The following IRF2 variants were observed in gnomAD, a reference collection of about 807,000 sequenced individuals.
IRF2 encodes the protein interferon regulatory factor 2.
In IRF2, 15 loss-of-function variants were observed where a neutral mutation model predicts 40.6. The ratio of observed to expected loss-of-function variants is 0.37; its 90% confidence interval spans 0.25 to 0.57. The LOEUF (loss-of-function observed/expected upper bound fraction) is 0.57, where lower values mean the gene tolerates loss of function less well. Ranked by LOEUF, IRF2 falls within the 20% of genes least tolerant of loss-of-function variation. The probability of loss-of-function intolerance (pLI) is 0.77; values close to 1 mark genes in which losing one functional copy is unlikely to be tolerated. For missense variants in IRF2, 317 were observed against 455.7 expected, an observed-to-expected ratio of 0.70 and a Z score of 2.77; for synonymous variants, 151 against 165.5, an observed-to-expected ratio of 0.91 and a Z score of 0.67.
chr4:184,454,786 C>CAGGA (rs1343975929), intron 1 of IRF2, among the ~76,000 whole-genome samples: 1 of 152,228 alleles, frequency 6.6e-6, no homozygotes, highest in Admixed American at 6.5e-5. Context: ...GCCATAGTTT[C>CAGGA]CTCATCACTA....
intron 1 of IRF2, among the ~76,000 whole-genome samples, chr4:184,435,371 T>C (rs1354550233): frequency 6.6e-6 from 1 of 152,230 alleles, no homozygotes; most frequent in Non-Finnish European, 1.5e-5. Flanking sequence ...TAATTCTCTG[T>C]TCCAGAGACT....
rs1260701097 is a variant in IRF2, at chr4:184,429,085, A to G, written c.-6-15T>C. The G allele has an allele frequency of 3.1e-6, 5 of 1,608,606 alleles. No homozygotes were observed. In the South Asian group the frequency reaches 4.4e-5, roughly 14 times the overall value. ...GGCATGGTGCCCTTGAGGGAGAGAA[A>G]CACAGCGTCAGGCGTTGGTGCCACT... On this transcript the variant is annotated splice_polypyrimidine_tract_variant and intron_variant, in intron 1 of 8. Coordinates refer to ENST00000393593, the MANE Select transcript of IRF2 (RefSeq NM_002199.4).
intron 1 of IRF2, among the ~76,000 whole-genome samples, chr4:184,449,823 C>T (rs1738648025): frequency 6.6e-6 from 1 of 152,170 alleles, no homozygotes; most frequent in Non-Finnish European, 1.5e-5. Flanking sequence ...CTGCGCTGGC[C>T]GTTACCAAGA....
At chr4:184,398,482 C>T (rs1424949648) in intron 7 of IRF2, among the ~76,000 whole-genome samples, 1 of 148,514 alleles carries the variant, frequency 6.7e-6, no homozygotes, top group African/African-American at 2.6e-5. Flanking sequence ...CATGGTGAAT[C>T]CCCGTCTCTA....
intron 1 of IRF2, among the ~76,000 whole-genome samples, chr4:184,434,508 G>A (rs1265577228): frequency 6.6e-6 from 1 of 152,160 alleles, no homozygotes; most frequent in African/African-American, 2.4e-5. Flanking sequence ...TGAGCAACCT[G>A]TACTTCAAAG....
At chr4:184,434,313 T>C (rs779694816) in intron 1 of IRF2, among the ~76,000 whole-genome samples, 1 of 152,226 alleles carries the variant, frequency 6.6e-6, no homozygotes, top group Non-Finnish European at 1.5e-5. Context: ...AATCCCTCCA[T>C]CTTCCCGGCC....
intron 6 of IRF2, among the ~76,000 whole-genome samples, chr4:184,399,598 T>C (rs1169371580): frequency 6.6e-6 from 1 of 152,250 alleles, no homozygotes; most frequent in Non-Finnish European, 1.5e-5. Flanking sequence ...TGAATGTTTG[T>C]GTTCAGGTTT....
intron 2 of IRF2, among the ~76,000 whole-genome samples, chr4:184,425,359 G>A (rs189668856): frequency 3.9e-4 from 59 of 152,366 alleles, no homozygotes; most frequent in Admixed American, 3.5e-3. Flanking sequence ...TGGGAGTGTA[G>A]GTATGGAGAG....
chr4:184,423,612 C>T (rs1435096625), intron 2 of IRF2, among the ~76,000 whole-genome samples: 2 of 152,240 alleles, frequency 1.3e-5, no homozygotes, highest in Non-Finnish European at 2.9e-5. Context: ...CCAGGAAGAA[C>T]TAAGAACATC....
chr4:184,409,009 C>A (rs1736973745), intron 5 of IRF2, among the ~76,000 whole-genome samples: 1 of 151,990 alleles, frequency 6.6e-6, no homozygotes, highest in Non-Finnish European at 1.5e-5. Context: ...TTTTCAAGTG[C>A]ACCAGAACCC....
chr4:184,452,899 A>C (rs894634942), intron 1 of IRF2, among the ~76,000 whole-genome samples: 1 of 152,068 alleles, frequency 6.6e-6, no homozygotes, highest in African/African-American at 2.4e-5. Flanking sequence ...GGGAGTATAA[A>C]ATAGGTACAA....
Position 184,388,415 on chromosome 4 carries a change from G to C in IRF2, c.*343C>G. ...ATATTCACAAGAATAAAAAATTCCA[G>C]CTAGTTCACATTATCTCGTCCGTTC... On this transcript the variant is annotated 3_prime_UTR_variant, in exon 9 of 9. Coordinates refer to ENST00000393593, the MANE Select transcript of IRF2 (RefSeq NM_002199.4). The surrounding 1 kb of genome is among the most constrained non-coding windows in gnomAD (Gnocchi z 4.6). The C allele has an allele frequency of 3.7e-6, 1 of 268,236 alleles. No individual in the cohort carries two copies. The highest frequency in any genetic ancestry group is 7.0e-6 in the Non-Finnish European group (1 of 143,014). The allele number at this position is 268,236 out of a possible 1,614,324, so 16.6% of individuals were successfully genotyped here. A position where few individuals can be genotyped will look rare whatever the true frequency, so the allele number is the denominator to read the frequency against.
intron 7 of IRF2, among the ~76,000 whole-genome samples, chr4:184,393,116 C>T (rs1736318605): frequency 6.6e-6 from 1 of 152,174 alleles, no homozygotes; most frequent in Non-Finnish European, 1.5e-5. Flanking sequence ...ATCGGAACAG[C>T]CACTCCCAAG....
chr4:184,403,195 G>C (rs1411949948), intron 6 of IRF2, among the ~76,000 whole-genome samples: 1 of 152,176 alleles, frequency 6.6e-6, no homozygotes, highest in African/African-American at 2.4e-5. Flanking sequence ...AAGCCCATGA[G>C]AGAAGCAGGG....
At chr4:184,409,346 G>A (rs138634216) in intron 5 of IRF2, among the ~76,000 whole-genome samples, 293 of 152,142 alleles carry the variant, frequency 1.9e-3, no homozygotes, top group African/African-American at 6.6e-3. Context: ...AGTCACTAAC[G>A]GAAGGAGGGG....
chr4:184,426,947 A>T (rs571140631), intron 2 of IRF2, among the ~76,000 whole-genome samples: 2 of 152,282 alleles, frequency 1.3e-5, no homozygotes, highest in East Asian at 3.9e-4. Flanking sequence ...TATTAACTGT[A>T]CCTACCCCAT....
chr4:184,417,973 A>C (rs1288473247), intron 5 of IRF2, among the ~76,000 whole-genome samples, 194 bp downstream of exon 5: 1 of 152,210 alleles, frequency 6.6e-6, no homozygotes, highest in African/African-American at 2.4e-5. Context: ...GAGAAACGGG[A>C]TGAGGCAGGG....
In IRF2 at chr4:184,418,668, T is replaced by C. The variant is rs1347586374; in HGVS notation, c.228A>G (p.Thr76=). 6.2e-7 allele frequency: 1 copy of C among 1,614,118 alleles called. No homozygotes were observed. Among genetic ancestry groups the C allele is most frequent in the African/African-American group, 1.3e-5 (1 of 75,058 alleles). The part of the protein sequence containing the change: ...QPGVDKPDPK[T]WKANFRCAMN... ...TGGCGCATCTGAAATTCGCCTTCCA[T>C]GTTTTGGGATCAGGTTTATCTACTC... is the stretch of plus-strand genomic sequence containing the variant. Residue 76 remains threonine (T), a synonymous_variant, in exon 4 of 9, where the codon ACA becomes ACG. Transcript: ENST00000393593.
chr4:184,416,355 A>C (rs1231617144), intron 5 of IRF2, among the ~76,000 whole-genome samples: 1 of 151,338 alleles, frequency 6.6e-6, no homozygotes, highest in Non-Finnish European at 1.5e-5. Context: ...GAAAAAAAAA[A>C]CTGTGAGAAA....
Sources: allele counts gnomAD v4.1 joint callset (sites outside exome capture counted in the v4.1 genomes callset), GRCh38; gene constraint gnomAD v4.1.1; non-coding constraint Gnocchi (gnomAD v3.1); transcripts MANE v1.5; gene names NCBI Gene and HGNC (gene_info 2026-07-23, HGNC 2026-07-21).